Variants in DMRT1 observed in about 807,000 individuals in gnomAD.
DMRT1 encodes the protein doublesex and mab-3 related transcription factor 1.
DMRT1 carries 7 observed loss-of-function variants against 32.3 expected under a neutral mutation model. The ratio of observed to expected loss-of-function variants is 0.22; its 90% CI spans 0.12 to 0.41. The LOEUF is 0.41. Among genes scored for constraint, DMRT1 ranks in the 10% least tolerant of loss-of-function variants. DMRT1 has a pLI of 1.00. For synonymous variants in DMRT1, 278 were observed against 206.1 expected, an observed-to-expected ratio of 1.35 and a Z score of -2.99; for missense variants, 625 against 500.5, an observed-to-expected ratio of 1.25 and a Z score of -2.37.
intron 4 of DMRT1, among the ~76,000 whole-genome samples, chr9:948,901 C>G (rs1470160576): frequency 1.6e-5 from 2 of 123,008 alleles, no homozygotes; most frequent in Non-Finnish European, 3.4e-5. Context: ...ACTAAAAATA[C>G]AAAATAATAA....
intron 4 of DMRT1, among the ~76,000 whole-genome samples, chr9:925,829 G>C (rs543151727): frequency 5.9e-5 from 9 of 152,306 alleles, no homozygotes; most frequent in African/African-American, 1.7e-4. Context: ...TAGGGGAAAG[G>C]AGGGGTCCTG....
intron 2 of DMRT1, among the ~76,000 whole-genome samples, chr9:885,944 C>G (rs73639465): frequency 0.021 from 3,263 of 152,288 alleles, 107 homozygotes; most frequent in African/African-American, 0.074. Flanking sequence ...AACAACACAG[C>G]ACATTCTCTT....
chr9:937,992 T>G (rs577208814), intron 4 of DMRT1, among the ~76,000 whole-genome samples: 316 of 152,288 alleles, frequency 2.1e-3, no homozygotes, highest in Non-Finnish European at 3.5e-3. Flanking sequence ...GCTCTTAAGA[T>G]CTTTCATTAA....
chr9:890,621 G>A (rs1441621490), intron 2 of DMRT1, among the ~76,000 whole-genome samples: 1 of 152,054 alleles, frequency 6.6e-6, no homozygotes, highest in Non-Finnish European at 1.5e-5. Context: ...GATGGTTTCT[G>A]GGCACCTTCT....
At chr9:909,166 C>T (rs551263448) in intron 3 of DMRT1, among the ~76,000 whole-genome samples, 3 of 152,194 alleles carry the variant, frequency 2.0e-5, no homozygotes, top group Non-Finnish European at 2.9e-5. Context: ...GACTCATCTT[C>T]AGAGCTCTGG....
intron 3 of DMRT1, among the ~76,000 whole-genome samples, chr9:898,750 G>GACA (rs1817465273): frequency 6.6e-6 from 1 of 152,182 alleles, no homozygotes; most frequent in Non-Finnish European, 1.5e-5. Context: ...TGACTGTGTT[G>GACA]CTAAGGCCGG....
At chr9:949,493 T>C (rs777123583) in intron 4 of DMRT1, among the ~76,000 whole-genome samples, 3 of 152,182 alleles carry the variant, frequency 2.0e-5, no homozygotes, top group Non-Finnish European at 4.4e-5. Flanking sequence ...CGTGACACGA[T>C]CACCACAATC....
rs147826995 is a variant in DMRT1, at chr9:967,241, G to A, written c.968-744G>A. On this transcript the variant is annotated intron_variant, in intron 4 of 4. Transcript: ENST00000382276. Reference sequence around the variant, plus strand: ...CTTTTGCTTAAGTTTTTTATCTACTGTGGCTGCTAAGGTTGCAAAAGTTGC... The same window carrying A: ...CTTTTGCTTAAGTTTTTTATCTACTATGGCTGCTAAGGTTGCAAAAGTTGC... Among the ~76,000 whole-genome samples, 404 of 152,278 alleles carry A rather than the reference G, an allele frequency of 2.7e-3. 2 individuals are homozygous for A. The highest frequency in any genetic ancestry group is 9.1e-3 in the African/African-American group (377 of 41,544).
At chr9:860,292 G>A (rs1446672589) in intron 2 of DMRT1, among the ~76,000 whole-genome samples, 2 of 152,072 alleles carry the variant, frequency 1.3e-5, no homozygotes, top group Non-Finnish European at 2.9e-5. Flanking sequence ...GCGAGACTCT[G>A]TCTCAAAAAA....
intron 1 of DMRT1, chr9:842,839 A>G (rs536886172): frequency 1.3e-5 from 2 of 152,494 alleles, no homozygotes; most frequent in African/African-American, 2.4e-5. Context: ...AGGGCAGGGA[A>G]TTCCGGGGTT....
intron 3 of DMRT1, among the ~76,000 whole-genome samples, chr9:913,246 A>G (rs1818050846): frequency 6.6e-6 from 1 of 152,186 alleles, no homozygotes; most frequent in African/African-American, 2.4e-5. Context: ...GCTTGAAGAT[A>G]TTGTCAAACC....
chr9:855,925 T>G (rs1416720832), intron 2 of DMRT1, among the ~76,000 whole-genome samples: 1 of 131,744 alleles, frequency 7.6e-6, no homozygotes, highest in Non-Finnish European at 1.5e-5. Context: ...GACCTCTGAA[T>G]TTTTTTTTTG....
intron 3 of DMRT1, among the ~76,000 whole-genome samples, chr9:900,309 A>G (rs1817523695): frequency 6.6e-6 from 1 of 152,232 alleles, no homozygotes; most frequent in African/African-American, 2.4e-5. Context: ...CAGAAAAGCC[A>G]GTACCTTTTC....
chr9:878,210 C>CCA (rs56176837), intron 2 of DMRT1, among the ~76,000 whole-genome samples: 15 of 127,396 alleles, frequency 1.2e-4, no homozygotes, highest in African/African-American at 3.8e-4. Flanking sequence ...GCCCCCCCCC[C>CCA]ACCCAATAAA....
chr9:958,956 T>A (rs973781111), intron 4 of DMRT1, among the ~76,000 whole-genome samples: 42 of 152,212 alleles, frequency 2.8e-4, no homozygotes, highest in African/African-American at 1.0e-3. Flanking sequence ...GGGATTTCCA[T>A]CACACCTTAC....
At chr9:862,248 C>T (rs1815743008) in intron 2 of DMRT1, among the ~76,000 whole-genome samples, 1 of 152,096 alleles carries the variant, frequency 6.6e-6, no homozygotes, top group Non-Finnish European at 1.5e-5. Context: ...GTCTGCACTC[C>T]CGGCACCTCG....
intron 4 of DMRT1, among the ~76,000 whole-genome samples, chr9:945,353 A>C (rs1819208253): frequency 6.6e-6 from 1 of 152,124 alleles, no homozygotes; most frequent in Non-Finnish European, 1.5e-5. Flanking sequence ...ACAGGGTTTC[A>C]CCATGGTGGC....
intron 2 of DMRT1, among the ~76,000 whole-genome samples, chr9:890,056 G>C (rs1817078376): frequency 6.9e-6 from 1 of 145,410 alleles, no homozygotes; most frequent in African/African-American, 2.5e-5. Context: ...GAATGATATA[G>C]AAAACCACCA....
intron 4 of DMRT1, among the ~76,000 whole-genome samples, chr9:940,727 A>G (rs1339624369): frequency 6.6e-6 from 1 of 152,218 alleles, no homozygotes; most frequent in Admixed American, 6.5e-5. Flanking sequence ...ACATCAAAAG[A>G]CACTATTCAA....
Sources: allele counts gnomAD v4.1 joint callset (sites outside exome capture counted in the v4.1 genomes callset), GRCh38; gene constraint gnomAD v4.1.1; transcripts MANE v1.5; gene names NCBI Gene and HGNC (gene_info 2026-07-23, HGNC 2026-07-21).